The following SCAPER variants were observed in gnomAD, a reference collection of about 807,000 sequenced individuals.
The protein encoded by SCAPER is S-phase cyclin A associated protein in the ER.
A neutral mutation model predicts 182.2 loss-of-function variants in SCAPER; 98 were observed. That is an observed-to-expected ratio of 0.54 (90% CI 0.46 to 0.64). SCAPER has a LOEUF of 0.64. Ranked by LOEUF, SCAPER falls within the 30% of genes least tolerant of loss-of-function variation. SCAPER has a pLI of 0.00. For synonymous variants in SCAPER, 605 were observed against 564.6 expected (o/e 1.07, Z -1.01); for missense variants, 1,432 against 1,690.0 (o/e 0.85, Z 2.68).
chr15:76,872,858 A>G (rs1450158723), intron 2 of SCAPER, among the ~76,000 whole-genome samples: 1 of 152,078 alleles, frequency 6.6e-6, no homozygotes, highest in Non-Finnish European at 1.5e-5. Context: ...CAATTTCACA[A>G]AAGGTGGAAG....
At chr15:76,457,449 C>G (rs1341616886) in intron 25 of SCAPER, among the ~76,000 whole-genome samples, 2 of 152,170 alleles carry the variant, frequency 1.3e-5, no homozygotes, top group African/African-American at 4.8e-5. Context: ...GTGTTTTATT[C>G]TCTAATTCCT....
intron 25 of SCAPER, among the ~76,000 whole-genome samples, chr15:76,464,383 G>A (rs2049432250): frequency 6.6e-6 from 1 of 151,732 alleles, no homozygotes; most frequent in Admixed American, 6.6e-5. Context: ...TTGTACAGTT[G>A]TCCCTCAGTA....
intron 5 of SCAPER, among the ~76,000 whole-genome samples, chr15:76,825,668 C>A (rs2067949666): frequency 6.6e-6 from 1 of 152,130 alleles, no homozygotes; most frequent in Admixed American, 6.5e-5. Context: ...ATTTCAATAA[C>A]CCAGAATAAT....
chr15:76,561,212 A>C (rs1433992438), intron 23 of SCAPER, among the ~76,000 whole-genome samples: 1 of 152,226 alleles, frequency 6.6e-6, no homozygotes, highest in East Asian at 1.9e-4. Flanking sequence ...ACATCTGCTT[A>C]CTGAGAAATA....
At position 76,381,484 on chromosome 15, in the gene SCAPER, C is replaced by T; in HGVS notation, c.3599G>A (p.Ser1200Asn). Reference protein sequence around the residue: ...VLFHGTILDPSTASPKENYTQ... With the variant: ...VLFHGTILDPNTASPKENYTQ... The stretch of plus-strand genomic sequence containing the variant: ...GTAATTCTCCTTGGGACTGGCAGTG[C>T]TGGGGTCCAAGATGGTGCCATGGAA... The change falls in exon 28 of 32, where the codon AGC becomes AAC. Residue 1200 changes from serine to asparagine, a missense_variant. By Grantham distance (46) the Ser-to-Asn change is conservative (BLOSUM62 1). Transcript: ENST00000563290. 1 of 1,613,748 alleles carries T rather than the reference C, an allele frequency of 6.2e-7. No homozygotes were observed. The highest frequency in any genetic ancestry group is 8.5e-7 in the Non-Finnish European group (1 of 1,179,834).
chr15:76,389,712 G>A (rs1275978549), intron 27 of SCAPER, among the ~76,000 whole-genome samples: 1 of 151,168 alleles, frequency 6.6e-6, no homozygotes, highest in Non-Finnish European at 1.5e-5. Flanking sequence ...CAGCTACATG[G>A]GGGGCTAAGG....
At chr15:76,873,437 T>C (rs1055780233) in intron 2 of SCAPER, among the ~76,000 whole-genome samples, 13 of 151,624 alleles carry the variant, frequency 8.6e-5, no homozygotes, top group African/African-American at 3.1e-4. Flanking sequence ...AATGGGCTTA[T>C]AGGAAGAAAT....
intron 30 of SCAPER, 60 bp downstream of exon 30, chr15:76,353,889 C>T: frequency 7.2e-7 from 1 of 1,386,042 alleles, no homozygotes. Flanking sequence ...CTTACTTTTA[C>T]ATTTCTGTCG....
chr15:76,541,007 G>C (rs762598209), intron 23 of SCAPER, among the ~76,000 whole-genome samples: 10 of 151,960 alleles, frequency 6.6e-5, no homozygotes, highest in Non-Finnish European at 1.3e-4. Flanking sequence ...TGTAATCCCA[G>C]CTACTCAGGA....
At chr15:76,899,461 A>G (rs556698106) in intron 1 of SCAPER, among the ~76,000 whole-genome samples, 24 of 152,156 alleles carry the variant, frequency 1.6e-4, no homozygotes, top group African/African-American at 3.9e-4. Context: ...CGCTCACTCA[A>G]TGCTCAATGT....
At chr15:76,675,452 T>C (rs1391040396) in intron 20 of SCAPER, among the ~76,000 whole-genome samples, 1 of 152,200 alleles carries the variant, frequency 6.6e-6, no homozygotes, top group East Asian at 1.9e-4. Flanking sequence ...GAAGAGGTGA[T>C]ATATTTGTAT....
At chr15:76,781,597 C>A (rs1376055894) in intron 8 of SCAPER, among the ~76,000 whole-genome samples, 2 of 152,168 alleles carry the variant, frequency 1.3e-5, no homozygotes, top group African/African-American at 2.4e-5. Context: ...TCAGATTCAT[C>A]AAGGTTGAAA....
chr15:76,688,843 CTTTTTTTTT>C (rs71143353), intron 20 of SCAPER, among the ~76,000 whole-genome samples: 2 of 92,368 alleles, frequency 2.2e-5, no homozygotes, highest in East Asian at 3.1e-4. Context: ...AAATGCCTCT[CTTTTTTTTT>C]TTTTTTTTTT....
chr15:76,757,455 T>TATAC lies in SCAPER; in HGVS notation c.1726-3508_1726-3507insGTAT, dbSNP rs764676538. On this transcript the variant is annotated intron_variant, in intron 14 of 31. Coordinates refer to ENST00000563290, the MANE Select transcript of SCAPER (RefSeq NM_020843.4). ...GCTAGATAATATTCTGTTTTATATA[T>TATAC]ACACACACACACACACACACACACT... 2.8e-3 allele frequency among the ~76,000 whole-genome samples: 415 copies of TATAC among 150,512 alleles called. 3 individuals carry two copies. Among genetic ancestry groups the TATAC allele is most frequent in the African/African-American group, 9.5e-3 (389 of 41,140 alleles).
intron 23 of SCAPER, among the ~76,000 whole-genome samples, chr15:76,572,760 C>G (rs561661278): frequency 1.3e-5 from 2 of 152,208 alleles, no homozygotes; most frequent in African/African-American, 4.8e-5. Context: ...GGGCAGCAAT[C>G]TGTGTTTTAA....
At chr15:76,400,379 T>C (rs942376314) in intron 27 of SCAPER, among the ~76,000 whole-genome samples, 3 of 152,234 alleles carry the variant, frequency 2.0e-5, no homozygotes, top group African/African-American at 7.2e-5. Context: ...CCTTTCCTCT[T>C]AGACATGGCT....
At chr15:76,409,499 A>ATGTG (rs371959404) in intron 26 of SCAPER, among the ~76,000 whole-genome samples, 3 of 150,484 alleles carry the variant, frequency 2.0e-5, no homozygotes, top group East Asian at 1.9e-4. Flanking sequence ...CATATACATT[A>ATGTG]TGTGTGTGTG....
chr15:76,458,012 A>G (rs2048870250), intron 25 of SCAPER, among the ~76,000 whole-genome samples: 1 of 152,048 alleles, frequency 6.6e-6, no homozygotes, highest in South Asian at 2.1e-4. Context: ...TATTTATTTC[A>G]CATTTATTCT....
At chr15:76,369,213 T>C (rs2041992137) in intron 29 of SCAPER, among the ~76,000 whole-genome samples, 1 of 152,226 alleles carries the variant, frequency 6.6e-6, no homozygotes, top group South Asian at 2.1e-4. Flanking sequence ...TGCAGCAGGC[T>C]TTCAGGATGC....
Sources: gnomAD v4.1 joint callset for allele counts (sites outside exome capture counted in the v4.1 genomes callset) on GRCh38, gnomAD v4.1.1 for gene constraint, MANE v1.5 for transcripts, NCBI Gene and HGNC (gene_info 2026-07-23, HGNC 2026-07-21) for gene names.